PLEKHM3: variants seen among roughly 807,000 people sequenced by gnomAD.
The protein encoded by PLEKHM3 is pleckstrin homology domain containing M3, also known as pleckstrin homology domain-containing family M member 3.
PLEKHM3 carries 45 observed loss-of-function variants against 81.8 expected under a neutral mutation model. The observed-to-expected ratio is 0.55, with a 90% CI of 0.43 to 0.71. The LOEUF (loss-of-function observed/expected upper bound fraction) is 0.71, where lower values mean the gene tolerates loss of function less well. Among genes scored for constraint, PLEKHM3 ranks in the 30% least tolerant of loss-of-function variants. The pLI is 0.00. For missense variants in PLEKHM3, 788 were observed against 924.3 expected (o/e 0.85, Z 1.91); for synonymous variants, 352 against 356.4 (o/e 0.99, Z 0.14).
At chr2:207,923,903 A>ATTTTTTTTTTTT (rs1235482345) in intron 5 of PLEKHM3, among the ~76,000 whole-genome samples, 2 of 59,828 alleles carry the variant, frequency 3.3e-5, no homozygotes, top group Non-Finnish European at 6.1e-5. Context: ...ATATATATAT[A>ATTTTTTTTTTTT]TATTTTTTTT....
chr2:207,987,557 TGGG>T (rs1005406835), intron 2 of PLEKHM3, among the ~76,000 whole-genome samples: 6 of 152,202 alleles, frequency 3.9e-5, no homozygotes, highest in African/African-American at 1.4e-4. Flanking sequence ...GAAAGAACAC[TGGG>T]GTGTTGCTGT....
At chr2:207,940,087 T>G (rs760666410) in intron 4 of PLEKHM3, among the ~76,000 whole-genome samples, 15 of 152,198 alleles carry the variant, frequency 9.9e-5, no homozygotes, top group Non-Finnish European at 2.1e-4. Flanking sequence ...ACAGGCTTCA[T>G]TCTTTCATTC....
At chr2:207,901,237 A>G in intron 6 of PLEKHM3, 2 of 702,952 alleles carry the variant, frequency 2.8e-6, no homozygotes, top group South Asian at 1.5e-5. Flanking sequence ...TTGCTGCCAC[A>G]TCCCGTGCCG....
chr2:207,903,053 A>T (rs1279250365), intron 6 of PLEKHM3, among the ~76,000 whole-genome samples: 1 of 151,842 alleles, frequency 6.6e-6, no homozygotes, highest in Non-Finnish European at 1.5e-5. Context: ...CATCCTTCCC[A>T]CTTCACAACT....
At chr2:208,021,586 C>T (rs1237969110) in intron 1 of PLEKHM3, among the ~76,000 whole-genome samples, 2 of 152,164 alleles carry the variant, frequency 1.3e-5, no homozygotes, top group Non-Finnish European at 2.9e-5. Context: ...GTATTCCCCA[C>T]AATGTAGAGA....
chr2:207,830,072 C>A (rs143590578), intron 7 of PLEKHM3, among the ~76,000 whole-genome samples: 1 of 152,068 alleles, frequency 6.6e-6, no homozygotes, highest in African/African-American at 2.4e-5. Context: ...TGGGTGTGTG[C>A]GTGCACACCT....
At chr2:207,932,454 C>G (rs1689626622) in intron 4 of PLEKHM3, among the ~76,000 whole-genome samples, 2 of 152,014 alleles carry the variant, frequency 1.3e-5, no homozygotes. Context: ...TAAAATCTCT[C>G]TAGGAGCAAG....
intron 7 of PLEKHM3, among the ~76,000 whole-genome samples, chr2:207,859,550 A>G (rs28607923): frequency 6.6e-6 from 1 of 151,864 alleles, no homozygotes; most frequent in South Asian, 2.1e-4. Flanking sequence ...TTTAGCTATT[A>G]CGAATGCTGC....
At chr2:207,880,814 A>C (rs1228902797) in intron 6 of PLEKHM3, among the ~76,000 whole-genome samples, 4 of 144,552 alleles carry the variant, frequency 2.8e-5, no homozygotes, top group Non-Finnish European at 4.5e-5. Context: ...AACAAAAAAA[A>C]ACAAAAAAAC....
chr2:207,899,799 C>T (rs1688358131), intron 6 of PLEKHM3, among the ~76,000 whole-genome samples: 1 of 152,060 alleles, frequency 6.6e-6, no homozygotes, highest in Non-Finnish European at 1.5e-5. Context: ...TTTAGCTTGC[C>T]CCCATGGAAG....
intron 7 of PLEKHM3, among the ~76,000 whole-genome samples, chr2:207,849,541 C>T (rs2092401535): frequency 6.6e-6 from 1 of 152,186 alleles, no homozygotes; most frequent in African/African-American, 2.4e-5. Context: ...CTTTAAAAAA[C>T]AACCCTTTTT....
Position 207,877,594 on chromosome 2 carries a change from G to A in PLEKHM3, c.1951-16332C>T, listed in dbSNP as rs369042871. The stretch of plus-strand genomic sequence containing the variant: ...ACTCAGCTAATTGAAACTCCAAGCA[G>A]CTGTAGACTAGCTTATGTAAACTGA... On this transcript the variant is annotated intron_variant, in intron 6 of 7. Coordinates refer to ENST00000427836, the MANE Select transcript of PLEKHM3 (RefSeq NM_001080475.3). Among the ~76,000 whole-genome samples, 79 of 152,292 alleles carry A rather than the reference G, an allele frequency of 5.2e-4. 1 individual carries two copies. Among genetic ancestry groups the A allele is most frequent in the Middle Eastern group, 6.8e-3 (2 of 294 alleles).
chr2:207,828,417 G>C lies in PLEKHM3; in HGVS notation c.2188C>G (p.Leu730Val). ...VPCPRCVRRE[L>V]QKKQKSFWQR... ...CAGAAAGACTTCTGCTTCTTCTGCA[G>C]CTCTCGGCGAACACACCTCGGGCAG... The change falls in exon 8 of 8, where the codon CTG becomes GTG. Residue 730 changes from leucine to valine, a missense_variant. Transcript: ENST00000427836. The C allele has an allele frequency of 6.2e-7, 1 of 1,614,118 alleles. No homozygotes were observed. The highest frequency in any genetic ancestry group is 8.5e-7 in the Non-Finnish European group (1 of 1,180,038).
chr2:207,935,675 A>G (rs1232593244), intron 4 of PLEKHM3, among the ~76,000 whole-genome samples: 2 of 152,240 alleles, frequency 1.3e-5, no homozygotes, highest in African/African-American at 4.8e-5. Flanking sequence ...TGGTCATGTC[A>G]TGGTAGAATT....
intron 1 of PLEKHM3, among the ~76,000 whole-genome samples, chr2:208,011,331 A>G (rs975218549): frequency 6.6e-6 from 1 of 152,188 alleles, no homozygotes; most frequent in Non-Finnish European, 1.5e-5. Context: ...AAAATGTGGA[A>G]CCAACCCAAA....
chr2:207,865,795 AAAAAAAAGATAT>A lies in PLEKHM3; in HGVS notation c.1951-4545_1951-4534del, dbSNP rs1466547598. ...AAACTCCGACTCAAAAAAAAAAAAAAAAAAAAAGATATATATATATATATATATATATATATA... is the reference window on the plus strand; with the variant it reads ...AAACTCCGACTCAAAAAAAAAAAAAAATATATATATATATATATATATATA... On this transcript the variant is annotated intron_variant, in intron 6 of 7. Transcript: ENST00000427836. Among the ~76,000 whole-genome samples, 53 of 37,668 alleles carry A rather than the reference AAAAAAAAGATAT, an allele frequency of 1.4e-3. 2 individuals are homozygous for A. Among genetic ancestry groups the A allele is most frequent in the African/African-American group, 7.6e-3 (51 of 6,744 alleles). 24.7% of individuals were successfully genotyped at this position (37,668 alleles called of 152,430 possible).
At position 207,976,181 on chromosome 2, in the gene PLEKHM3, C is replaced by T. The variant is rs190930834; in HGVS notation, c.1546+470G>A. Among the ~76,000 whole-genome samples the T allele has an allele frequency of 3.2e-3, 490 of 152,294 alleles. 4 individuals carry two copies. Among genetic ancestry groups the T allele is most frequent in the African/African-American group, 0.011 (468 of 41,566 alleles). ...TGATTTTCTAGATTTCACCTTAAGA[C>T]GATTTGACAAGGTCAAGATCAATGA... On this transcript the variant is annotated intron_variant, in intron 3 of 7. Coordinates refer to ENST00000427836, the MANE Select transcript of PLEKHM3 (RefSeq NM_001080475.3). This position sits in a 1 kb window ranked among gnomAD's most constrained non-coding sequence, Gnocchi z 4.1.
chr2:208,018,892 T>C (rs1332737571), intron 1 of PLEKHM3, among the ~76,000 whole-genome samples: 1 of 151,884 alleles, frequency 6.6e-6, no homozygotes, highest in Non-Finnish European at 1.5e-5. Context: ...CCCCACTCTA[T>C]ATCTACATAT....
At chr2:207,898,216 T>C (rs951109802) in intron 6 of PLEKHM3, among the ~76,000 whole-genome samples, 21 of 152,222 alleles carry the variant, frequency 1.4e-4, no homozygotes, top group South Asian at 6.2e-4. Context: ...CTGCAGAGTG[T>C]TTAAATATTG....
Sources: gnomAD v4.1 joint callset for allele counts (sites outside exome capture counted in the v4.1 genomes callset) on GRCh38, gnomAD v4.1.1 for gene constraint, Gnocchi (gnomAD v3.1) non-coding constraint, MANE v1.5 for transcripts, NCBI Gene and HGNC (gene_info 2026-07-23, HGNC 2026-07-21) for gene names.